The following CD207 variants were observed in gnomAD, a reference collection of about 807,000 sequenced individuals.
The protein encoded by CD207 is CD207 molecule.
Under a neutral mutation model 31.6 loss-of-function variants are expected in CD207, and 28 were observed. The ratio of observed to expected loss-of-function variants is 0.89; its 90% CI spans 0.66 to 1.21. CD207 has a LOEUF of 1.21. Among genes scored for constraint, CD207 ranks in the 50% most tolerant of loss-of-function variants. CD207 has a pLI of 0.00. For missense variants in CD207, 388 were observed against 397.8 expected, an observed-to-expected ratio of 0.98 and a Z score of 0.21; for synonymous variants, 168 against 153.9, an observed-to-expected ratio of 1.09 and a Z score of -0.68.
downstream of CD207, among the ~76,000 whole-genome samples, chr2:70,825,376 AG>A (rs1292295270): frequency 2.6e-5 from 4 of 152,234 alleles, no homozygotes; most frequent in African/African-American, 9.7e-5. Context: ...ATCTGAATAA[AG>A]TATGGACTTC....
chr2:70,824,473 C>A, the CD207 span, among the ~76,000 whole-genome samples: 91,189 of 151,036 alleles, frequency 0.6, 28,007 homozygotes, highest in Middle Eastern at 0.7. Context: ...GCCACACAGC[C>A]CCCAGGTTTT....
intron 3 of CD207, 34 bp downstream of exon 3, chr2:70,833,612 G>A (rs1553400242): frequency 1.3e-6 from 2 of 1,557,544 alleles, no homozygotes; most frequent in Admixed American, 1.9e-5. Flanking sequence ...ATGGGCCACT[G>A]GTCAGCTTCA....
chr2:70,825,184 G>T, the CD207 span, among the ~76,000 whole-genome samples: 4 of 152,220 alleles, frequency 2.6e-5, no homozygotes, highest in African/African-American at 9.6e-5. Context: ...CCATTTAAGG[G>T]ACAATCTACA....
chr2:70,834,225 G>A (rs1677551524), intron 2 of CD207, among the ~76,000 whole-genome samples: 2 of 152,120 alleles, frequency 1.3e-5, no homozygotes, highest in African/African-American at 4.8e-5. Context: ...CAGGAACACA[G>A]GTGGATACAG....
chr2:70,824,174 G>A, the CD207 span, among the ~76,000 whole-genome samples: 1 of 152,080 alleles, frequency 6.6e-6, no homozygotes. Context: ...AGTAGGGACA[G>A]CTTCTTGACA....
At chr2:70,829,467 A>G (rs1553399324), downstream of CD207, among the ~76,000 whole-genome samples, 1 of 152,176 alleles carries the variant, frequency 6.6e-6, no homozygotes, top group Non-Finnish European at 1.5e-5. Context: ...CTGTAGGAGG[A>G]TGTGATTGGC....
intron 1 of CD207, 36 bp from the exon 2 acceptor site, chr2:70,835,643 C>G (rs373423001): frequency 7.5e-6 from 12 of 1,609,050 alleles, no homozygotes; most frequent in African/African-American, 1.3e-5. Flanking sequence ...GTTGAAGGAG[C>G]AGCAAAGGGC....
chr2:70,827,257 T>C (rs1360906025), downstream of CD207, among the ~76,000 whole-genome samples: 2 of 152,208 alleles, frequency 1.3e-5, no homozygotes, highest in Non-Finnish European at 2.9e-5. Context: ...AAAGTTTCCT[T>C]TTTGAAAACA....
intron 5 of CD207, 124 bp downstream of exon 5, chr2:70,831,577 C>G (rs1304872214): frequency 1.7e-5 from 12 of 711,096 alleles, no homozygotes; most frequent in Non-Finnish European, 2.8e-5. Context: ...TGCAATGTTC[C>G]TGTCACTCTA....
downstream of CD207, among the ~76,000 whole-genome samples, chr2:70,828,827 G>A (rs1338757003): frequency 2.0e-5 from 3 of 152,030 alleles, no homozygotes; most frequent in Non-Finnish European, 4.4e-5. Flanking sequence ...CACCATGCCC[G>A]GCTAATTTTT....
chr2:70,835,722 T>A lies in CD207; in HGVS notation c.55A>T (p.Ile19Phe), dbSNP rs782661152. 5.6e-6 allele frequency: 9 copies of A among 1,613,158 alleles called. No homozygotes were observed. In the Admixed American group the frequency reaches 6.7e-5, roughly 12 times the overall value. The change falls in exon 1 of 6, where the codon ATC becomes TTC. Residue 19 changes from isoleucine (I) to phenylalanine (F), a missense_variant. Coordinates refer to ENST00000410009, the MANE Select transcript of CD207 (RefSeq NM_015717.5). The stretch of plus-strand genomic sequence containing the variant: ...GGCTTGCCTCGGGGCCAGAGGGAGA[T>A]GTTCTGTTTGTCCACAGTGAAGTGC... ...DAHFTVDKQN[I>F]SLWPREPPPK...
chr2:70,835,630 T>G (rs201840634), intron 1 of CD207, 23 bp from the exon 2 acceptor site: 2 of 1,611,610 alleles, frequency 1.2e-6, no homozygotes, highest in Non-Finnish European at 1.7e-6. Flanking sequence ...GAAGAAAATG[T>G]GTGTTGAAGG....
downstream of CD207, among the ~76,000 whole-genome samples, chr2:70,827,043 C>T (rs1379501496): frequency 6.6e-6 from 1 of 152,108 alleles, no homozygotes; most frequent in Non-Finnish European, 1.5e-5. Context: ...CACCTCACAC[C>T]ACACTCCAGC....
chr2:70,832,216 G>A (rs995728016), intron 4 of CD207, among the ~76,000 whole-genome samples: 2 of 152,320 alleles, frequency 1.3e-5, no homozygotes, highest in East Asian at 3.9e-4. Flanking sequence ...TGAGGCAGGT[G>A]CCATCACCAT....
rs1558630751 is a variant in CD207 at position 70,835,699 on chromosome 2, C to T, written c.73+5G>A. ...GAGCAGGTTCTCAGCAGCGATGTGG[C>T]TTGCCTCGGGGCCAGAGGGAGATGT... On this transcript the variant is annotated splice_donor_5th_base_variant and intron_variant, in intron 1 of 5. Coordinates refer to ENST00000410009, the MANE Select transcript of CD207 (RefSeq NM_015717.5). 1.9e-6 allele frequency: 3 copies of T among 1,613,504 alleles called. No individual in the cohort carries two copies. Among genetic ancestry groups the T allele is most frequent in the Admixed American group, 1.7e-5 (1 of 59,942 alleles).
intron 3 of CD207, 138 bp downstream of exon 3, chr2:70,833,508 T>C: frequency 9.8e-7 from 1 of 1,019,206 alleles, no homozygotes. Context: ...CCTCTCTCCT[T>C]AACTTCCTAG....
chr2:70,830,837 T>A lies in CD207; in HGVS notation c.*213A>T. The A allele has an allele frequency of 9.9e-5, 44 of 446,064 alleles. No individual in the cohort carries two copies. The highest frequency in any genetic ancestry group is 6.7e-4 in the Middle Eastern group (1 of 1,496). The allele number at this position is 446,064 out of a possible 1,614,324, so 27.6% of individuals were successfully genotyped here. A position where few individuals can be genotyped will look rare whatever the true frequency, so the allele number is the denominator to read the frequency against. On this transcript the variant is annotated 3_prime_UTR_variant, in exon 6 of 6. Coordinates refer to ENST00000410009, the MANE Select transcript of CD207 (RefSeq NM_015717.5). Reference sequence around the variant, plus strand: ...AATCCTCTCTACCCACCCCTCCCACTTTAACCTGAATTCTCCTTTCCATTC... The same window carrying A: ...AATCCTCTCTACCCACCCCTCCCACATTAACCTGAATTCTCCTTTCCATTC...
At chr2:70,825,138 C>T in the CD207 span, among the ~76,000 whole-genome samples, 1 of 152,144 alleles carries the variant, frequency 6.6e-6, no homozygotes. Context: ...AAACTCAGTA[C>T]CCCAATGTAA....
rs370350846 is a variant in CD207, at chr2:70,831,076, G to A, written c.961C>T (p.Arg321Ter). ...CACGGTTCTGATGGGACATAGGGTC[G>A]CTTACAAATGAAAAGAAACGTTTTG... is the stretch of plus-strand genomic sequence containing the variant. ...CDKTFLFICK[R>*]PYVPSEP The change falls in exon 6 of 6, where the codon CGA becomes TGA. Residue 321 changes from arginine (R) to a stop codon, truncating the protein, a stop_gained. Coordinates refer to ENST00000410009, the MANE Select transcript of CD207 (RefSeq NM_015717.5). LOFTEE classifies it high-confidence loss of function. 4.1e-5 allele frequency: 66 copies of A among 1,613,688 alleles called. No individual in the cohort carries two copies. The highest frequency in any genetic ancestry group is 3.2e-4 in the African/African-American group (24 of 74,868).
Sources: gnomAD v4.1 joint callset for allele counts (sites outside exome capture counted in the v4.1 genomes callset) on GRCh38, gnomAD v4.1.1 for gene constraint, MANE v1.5 for transcripts, NCBI Gene and HGNC (gene_info 2026-07-23, HGNC 2026-07-21) for gene names.